CDK14: variants seen among roughly 807,000 people sequenced by gnomAD.
The protein encoded by CDK14 is cyclin-dependent kinase 14.
CDK14 carries 34 observed loss-of-function variants against 60.7 expected under a neutral mutation model. That is an observed-to-expected ratio of 0.56 (90% CI 0.43 to 0.75). The LOEUF is 0.75. Ranked by LOEUF, CDK14 falls within the 30% of genes least tolerant of loss-of-function variation. CDK14 has a pLI of 0.00. For synonymous variants in CDK14, 197 were observed against 203.7 expected (o/e 0.97, Z 0.28); for missense variants, 482 against 564.1 (o/e 0.85, Z 1.47).
At chr7:91,129,595 A>G (rs1047048133) in intron 14 of CDK14, among the ~76,000 whole-genome samples, 1 of 152,170 alleles carries the variant, frequency 6.6e-6, no homozygotes, top group African/African-American at 2.4e-5. Context: ...AGAATGACTG[A>G]CAGGAAAAAC....
At chr7:90,744,955 T>C (rs1803533186) in intron 3 of CDK14, among the ~76,000 whole-genome samples, 1 of 152,248 alleles carries the variant, frequency 6.6e-6, no homozygotes, top group Non-Finnish European at 1.5e-5. Flanking sequence ...TTATTGAATA[T>C]GCCTTCTCCT....
At position 91,002,508 on chromosome 7, in the gene CDK14, A is replaced by G. The variant is rs186659360; in HGVS notation, c.1041+18267A>G. On this transcript the variant is annotated intron_variant, in intron 10 of 14. Coordinates refer to ENST00000380050, the MANE Select transcript of CDK14 (RefSeq NM_001287135.2). ...TTTTGATCCCACAGCAGTTTTTTCCATAACTCCTAGTATGAACTGCCTTTT... is the reference window on the plus strand; with the variant it reads ...TTTTGATCCCACAGCAGTTTTTTCCGTAACTCCTAGTATGAACTGCCTTTT... Among the ~76,000 whole-genome samples, 189 of 152,276 alleles carry G rather than the reference A, an allele frequency of 1.2e-3. 1 individual carries two copies. Among genetic ancestry groups the G allele is most frequent in the East Asian group, 8.7e-3 (45 of 5,182 alleles).
chr7:90,694,611 T>C (rs1349034243), intron 2 of CDK14, among the ~76,000 whole-genome samples: 3 of 152,194 alleles, frequency 2.0e-5, no homozygotes, highest in Admixed American at 1.3e-4. Flanking sequence ...ATAACTATAA[T>C]TGAATTTTCT....
intron 13 of CDK14, 110 bp downstream of exon 13, chr7:91,112,791 TA>T: frequency 5.3e-6 from 6 of 1,132,884 alleles, no homozygotes; most frequent in Non-Finnish European, 6.4e-6. Context: ...TCCACAAACA[TA>T]AGATAATGTA....
chr7:91,042,025 A>G (rs998585875), intron 10 of CDK14, among the ~76,000 whole-genome samples: 1 of 152,182 alleles, frequency 6.6e-6, no homozygotes, highest in African/African-American at 2.4e-5. Context: ...AAGTTTGCAT[A>G]AAGCACTCAG....
intron 14 of CDK14, among the ~76,000 whole-genome samples, chr7:91,125,174 C>T (rs1009467837): frequency 2.6e-5 from 4 of 152,106 alleles, no homozygotes; most frequent in East Asian, 1.9e-4. Flanking sequence ...CATGGATACT[C>T]GTCACTCCTT....
At chr7:91,137,883 C>G (rs901419871) in intron 14 of CDK14, among the ~76,000 whole-genome samples, 3 of 152,152 alleles carry the variant, frequency 2.0e-5, no homozygotes, top group African/African-American at 7.2e-5. Flanking sequence ...TGCTGAGCCT[C>G]ACTTCAATAC....
intron 2 of CDK14, among the ~76,000 whole-genome samples, chr7:90,652,037 A>T (rs1191730185): frequency 6.6e-6 from 1 of 152,072 alleles, no homozygotes; most frequent in African/African-American, 2.4e-5. Context: ...CCTCACAGAC[A>T]CTGCTCACCA....
chr7:90,956,518 A>G (rs1178748027), intron 9 of CDK14, among the ~76,000 whole-genome samples: 1 of 152,190 alleles, frequency 6.6e-6, no homozygotes, highest in South Asian at 2.1e-4. Context: ...TGTTGAACAT[A>G]TCTTTTATTA....
chr7:90,610,033 T>C (rs890002611), intron 2 of CDK14, among the ~76,000 whole-genome samples: 3 of 152,236 alleles, frequency 2.0e-5, no homozygotes, highest in Admixed American at 1.3e-4. Flanking sequence ...TAACAATCTT[T>C]CCTGTTTAGC....
chr7:90,655,708 T>C (rs1195623726), intron 2 of CDK14, among the ~76,000 whole-genome samples: 2 of 152,224 alleles, frequency 1.3e-5, no homozygotes, highest in African/African-American at 2.4e-5. Context: ...AACACTTCTT[T>C]GGTTGTTAAC....
In CDK14 at chr7:90,996,563, A is replaced by G. The variant is rs374688742; in HGVS notation, c.1041+12322A>G. On this transcript the variant is annotated intron_variant, in intron 10 of 14. Coordinates refer to ENST00000380050, the MANE Select transcript of CDK14 (RefSeq NM_001287135.2). Reference sequence around the variant, plus strand: ...TTAGAGAACAGTTTTATTCTAAGTCAAGTTAACAGATTATCTGACCTTGGA... The same window carrying G: ...TTAGAGAACAGTTTTATTCTAAGTCGAGTTAACAGATTATCTGACCTTGGA... Among the ~76,000 whole-genome samples, 18 of 152,338 alleles carry G rather than the reference A, an allele frequency of 1.2e-4. No individual in the cohort carries two copies. In the South Asian group the frequency reaches 3.7e-3, roughly 32 times the overall value.
At position 91,129,638 on chromosome 7, in the gene CDK14, ATCT is replaced by A. The variant is rs367941146; in HGVS notation, c.*28+11434_*28+11436del. 6.2e-3 allele frequency among the ~76,000 whole-genome samples: 940 copies of A among 152,288 alleles called. 18 individuals are homozygous for A. Among genetic ancestry groups the A allele is most frequent in the African/African-American group, 0.022 (897 of 41,572 alleles). ...ATTCAGACTTGGGTATTTGGCAGAC[ATCT>A]TCTCAGAAAGGAACCAAAAATGAGT... On this transcript the variant is annotated intron_variant, in intron 14 of 14. Coordinates refer to ENST00000380050, the MANE Select transcript of CDK14 (RefSeq NM_001287135.2).
At position 90,668,696 on chromosome 7, in the gene CDK14, A is replaced by ATTATTTTTTTTTTTTTTTTTTTTTTT. The variant is rs1554431005; in HGVS notation, c.124-57869_124-57868insATTTTTTTTTTTTTTTTTTTTTTTTT. On this transcript the variant is annotated intron_variant, in intron 2 of 14. Coordinates refer to ENST00000380050, the MANE Select transcript of CDK14 (RefSeq NM_001287135.2). The stretch of plus-strand genomic sequence containing the variant: ...TTATATGGTGTAAGGAAGGACTCGC[A>ATTATTTTTTTTTTTTTTTTTTTTTTT]TTCTTTTTTTTTTTTTTTTTTTTTT... Among the ~76,000 whole-genome samples, 8 of 68,446 alleles carry ATTATTTTTTTTTTTTTTTTTTTTTTT rather than the reference A, an allele frequency of 1.2e-4. 1 individual carries two copies. The highest frequency in any genetic ancestry group is 1.2e-4 in the African/African-American group (2 of 16,784). The allele number at this position is 68,446 out of a possible 152,430, so 44.9% of individuals were successfully genotyped here. A position where few individuals can be genotyped will look rare whatever the true frequency, so the allele number is the denominator to read the frequency against.
chr7:90,640,482 A>G (rs1027569479), intron 2 of CDK14, among the ~76,000 whole-genome samples: 6 of 152,128 alleles, frequency 3.9e-5, no homozygotes, highest in African/African-American at 1.4e-4. Context: ...TTTAAGCATA[A>G]ATGTATTTAT....
chr7:90,809,748 GA>G (rs1277480696), intron 5 of CDK14, among the ~76,000 whole-genome samples: 2 of 152,100 alleles, frequency 1.3e-5, no homozygotes, highest in African/African-American at 4.8e-5. Flanking sequence ...AGAAAAGAGA[GA>G]AGAATCAAAT....
intron 4 of CDK14, among the ~76,000 whole-genome samples, chr7:90,762,149 C>G (rs1263045707): frequency 6.6e-6 from 1 of 152,036 alleles, no homozygotes. Context: ...ATGCATAGGT[C>G]TGAAGGAGGA....
chr7:90,990,838 G>A (rs1419849053), intron 10 of CDK14, among the ~76,000 whole-genome samples: 1 of 152,074 alleles, frequency 6.6e-6, no homozygotes, highest in Non-Finnish European at 1.5e-5. Context: ...CAGTTTTTAT[G>A]CTACGGTAAT....
chr7:91,201,221 T>G (rs750963271), intron 14 of CDK14, among the ~76,000 whole-genome samples: 28 of 152,154 alleles, frequency 1.8e-4, no homozygotes, highest in Non-Finnish European at 3.8e-4. Context: ...CTAAACGTAT[T>G]ATAGCTTTAT....
Sources: allele counts gnomAD v4.1 joint callset (sites outside exome capture counted in the v4.1 genomes callset), GRCh38; gene constraint gnomAD v4.1.1; transcripts MANE v1.5; gene names NCBI Gene and HGNC (gene_info 2026-07-23, HGNC 2026-07-21).